The following VWC2L variants were observed in gnomAD, a reference collection of about 807,000 sequenced individuals.
VWC2L encodes von Willebrand factor C domain containing 2 like, also known as von Willebrand factor C domain-containing protein 2-like.
In VWC2L, 10 loss-of-function variants were observed where a neutral mutation model predicts 21.6. That is an observed-to-expected ratio of 0.46 (90% CI 0.29 to 0.78). The LOEUF (loss-of-function observed/expected upper bound fraction) is 0.78, where lower values mean the gene tolerates loss of function less well. Ranked by LOEUF, VWC2L falls within the 30% of genes least tolerant of loss-of-function variation. The pLI is 0.10. For synonymous variants in VWC2L, 96 were observed against 94.3 expected (o/e 1.02, Z -0.10); for missense variants, 209 against 277.1 (o/e 0.75, Z 1.74).
rs1468396357 is a variant in VWC2L at position 214,502,299 on chromosome 2, C to T, written c.520+65541C>T. On this transcript the variant is annotated intron_variant, in intron 3 of 3. Transcript: ENST00000312504. ...GAAAATGACAACGATTGGCAGGGCA[C>T]GGTGGCTCATGCCTGTAATCCCAGC... Among the ~76,000 whole-genome samples, 4 of 152,018 alleles carry T rather than the reference C, an allele frequency of 2.6e-5. No individual in the cohort carries two copies. The East Asian group carries it at 7.7e-4, about 29-fold the overall frequency.
chr2:214,536,062 A>G (rs1171347353), intron 3 of VWC2L, among the ~76,000 whole-genome samples: 1 of 152,066 alleles, frequency 6.6e-6, no homozygotes, highest in Non-Finnish European at 1.5e-5. Context: ...TTATCCATCC[A>G]TTACACTACA....
At position 214,571,397 on chromosome 2, in the gene VWC2L, A is replaced by C. The variant is rs192974368; in HGVS notation, c.521-4275A>C. Among the ~76,000 whole-genome samples, 19 of 152,296 alleles carry C rather than the reference A, an allele frequency of 1.2e-4. No homozygotes were observed. In the East Asian group the frequency reaches 3.3e-3, roughly 26 times the overall value. On this transcript the variant is annotated intron_variant, in intron 3 of 3. Coordinates refer to ENST00000312504, the MANE Select transcript of VWC2L (RefSeq NM_001080500.4). ...CACTTTTTATGTGGTTTGTTGTAATAATTAAACGAGACAAATTCCTGGCTT... is the reference window on the plus strand; with the variant it reads ...CACTTTTTATGTGGTTTGTTGTAATCATTAAACGAGACAAATTCCTGGCTT...
intron 3 of VWC2L, among the ~76,000 whole-genome samples, chr2:214,551,199 A>C (rs755389916): frequency 1.3e-5 from 2 of 152,250 alleles, no homozygotes. Flanking sequence ...GGGGAGAATC[A>C]GTGTAGCATT....
intron 3 of VWC2L, among the ~76,000 whole-genome samples, chr2:214,468,165 C>G (rs1703247414): frequency 1.3e-5 from 2 of 152,012 alleles, no homozygotes; most frequent in South Asian, 4.1e-4. Flanking sequence ...TACAGCCACT[C>G]ACCACCGCAC....
At chr2:214,527,874 T>C (rs761409911) in intron 3 of VWC2L, among the ~76,000 whole-genome samples, 22 of 152,222 alleles carry the variant, frequency 1.4e-4, no homozygotes, top group Non-Finnish European at 2.6e-4. Flanking sequence ...CTGTTCTACT[T>C]TAAGAAGTCA....
At chr2:214,460,908 G>C (rs1047554139) in intron 3 of VWC2L, among the ~76,000 whole-genome samples, 3 of 152,062 alleles carry the variant, frequency 2.0e-5, no homozygotes, top group African/African-American at 7.2e-5. Flanking sequence ...ATTTGCTTTC[G>C]TAGAGGAAGC....
At chr2:214,551,539 C>T (rs1286742707) in intron 3 of VWC2L, among the ~76,000 whole-genome samples, 1 of 152,192 alleles carries the variant, frequency 6.6e-6, no homozygotes, top group African/African-American at 2.4e-5. Flanking sequence ...GACAAGCATC[C>T]ACTGTTGCTG....
intron 3 of VWC2L, among the ~76,000 whole-genome samples, chr2:214,506,267 A>G (rs1280655389): frequency 6.6e-6 from 1 of 152,198 alleles, no homozygotes; most frequent in Non-Finnish European, 1.5e-5. Flanking sequence ...TATCTGTAGC[A>G]TTTGAAAAGC....
intron 3 of VWC2L, among the ~76,000 whole-genome samples, chr2:214,550,601 AG>A (rs1689778900): frequency 6.6e-6 from 1 of 152,200 alleles, no homozygotes; most frequent in Non-Finnish European, 1.5e-5. Flanking sequence ...GGAATGAGCT[AG>A]AAGTGTCTTC....
intron 3 of VWC2L, among the ~76,000 whole-genome samples, chr2:214,532,333 C>A (rs543308219): frequency 8.2e-4 from 125 of 152,082 alleles, no homozygotes; most frequent in Middle Eastern, 3.4e-3. Flanking sequence ...TTTTGCTTTG[C>A]GCACATGGAT....
intron 3 of VWC2L, among the ~76,000 whole-genome samples, chr2:214,567,634 C>T (rs1357177248): frequency 6.7e-6 from 1 of 148,988 alleles, no homozygotes; most frequent in East Asian, 2.0e-4. Context: ...AACATCATAG[C>T]CTTTTACCTC....
intron 3 of VWC2L, among the ~76,000 whole-genome samples, chr2:214,469,650 C>T: frequency 6.6e-6 from 1 of 151,968 alleles, no homozygotes; most frequent in Admixed American, 6.6e-5. Flanking sequence ...AAACTCTGTA[C>T]AGCATTAAAG....
At chr2:214,449,060 T>C (rs1266584673) in intron 3 of VWC2L, among the ~76,000 whole-genome samples, 1 of 152,148 alleles carries the variant, frequency 6.6e-6, no homozygotes, top group Non-Finnish European at 1.5e-5. Flanking sequence ...TATGACTCAG[T>C]CATCTGATTA....
intron 3 of VWC2L, among the ~76,000 whole-genome samples, chr2:214,545,826 T>C (rs750834082): frequency 9.2e-5 from 14 of 152,166 alleles, no homozygotes; most frequent in Non-Finnish European, 2.1e-4. Flanking sequence ...GGGTCCTCAC[T>C]ATACATATAC....
At chr2:214,430,971 G>T (rs1702593362) in intron 2 of VWC2L, among the ~76,000 whole-genome samples, 1 of 152,164 alleles carries the variant, frequency 6.6e-6, no homozygotes, top group Non-Finnish European at 1.5e-5. Flanking sequence ...TCGCTGAAGA[G>T]GTCATCACAA....
At chr2:214,558,189 C>CCTTTTTGAAAT (rs1359045067) in intron 3 of VWC2L, among the ~76,000 whole-genome samples, 3 of 152,120 alleles carry the variant, frequency 2.0e-5, no homozygotes, top group Non-Finnish European at 4.4e-5. Flanking sequence ...TTTTTTCCTT[C>CCTTTTTGAAAT]CTTTTTGAAA....
intron 3 of VWC2L, among the ~76,000 whole-genome samples, chr2:214,526,233 G>A (rs80121206): frequency 6.6e-6 from 1 of 151,878 alleles, no homozygotes; most frequent in South Asian, 2.1e-4. Flanking sequence ...GAAACATTTA[G>A]GGGGAAAAGT....
intron 3 of VWC2L, among the ~76,000 whole-genome samples, chr2:214,447,962 C>G (rs776412807): frequency 1.3e-5 from 2 of 151,932 alleles, no homozygotes; most frequent in Non-Finnish European, 2.9e-5. Context: ...CCCTGCTTGT[C>G]TCAGACCCCA....
intron 2 of VWC2L, among the ~76,000 whole-genome samples, chr2:214,434,751 G>T (rs976592520): frequency 6.6e-6 from 1 of 152,082 alleles, no homozygotes; most frequent in African/African-American, 2.4e-5. Context: ...CATCAGTGTT[G>T]GGAATCTAAT....
Sources: gnomAD v4.1 joint callset for allele counts (sites outside exome capture counted in the v4.1 genomes callset) on GRCh38, gnomAD v4.1.1 for gene constraint, MANE v1.5 for transcripts, NCBI Gene and HGNC (gene_info 2026-07-23, HGNC 2026-07-21) for gene names.